The following PBOV1 variants were observed in gnomAD, a reference collection of about 807,000 sequenced individuals.
The protein encoded by PBOV1 is prostate and breast cancer overexpressed gene 1 protein.
For synonymous variants in PBOV1, 46 were observed against 55.9 expected, an observed-to-expected ratio of 0.82 and a Z score of 0.79; for missense variants, 147 against 151.4, an observed-to-expected ratio of 0.97 and a Z score of 0.15.
chr6:138,217,997 C>G lies in PBOV1; in HGVS notation c.399G>C (p.Gln133His), dbSNP rs776016138. The G allele has an allele frequency of 6.2e-7, 1 of 1,608,136 alleles. No individual in the cohort carries two copies. Among genetic ancestry groups the G allele is most frequent in the Non-Finnish European group, 8.5e-7 (1 of 1,176,108 alleles). Reference sequence around the variant, plus strand: ...CAGCAGGGCTGAGAGTTTATATGATCTGTGGATGTATAGTTTTGGATAAGT... The same window carrying G: ...CAGCAGGGCTGAGAGTTTATATGATGTGTGGATGTATAGTTTTGGATAAGT... Reference protein sequence around the residue: ...LLYLSKTIHPQII With the variant: ...LLYLSKTIHPHII The change falls in exon 1 of 1, where the codon CAG (glutamine) becomes CAC (histidine). Residue 133 changes from glutamine (Q) to histidine (H), a missense_variant. Transcript: ENST00000527246.
rs989899107 is a variant in PBOV1 at position 138,217,841 on chromosome 6, C to T, written c.*147G>A. ...GGTTTGTATTTTAGAATTGAAATAA[C>T]CTCCTACATCATCAAATTCTTTTCA... On this transcript the variant is annotated 3_prime_UTR_variant, in exon 1 of 1. Transcript: ENST00000527246. The T allele has an allele frequency of 8.7e-7, 1 of 1,151,144 alleles. No individual in the cohort carries two copies. Among genetic ancestry groups the T allele is most frequent in the African/African-American group, 1.6e-5 (1 of 64,200 alleles). The allele number at this position is 1,151,144 out of a possible 1,614,324, so 71.3% of individuals were successfully genotyped here. A position where few individuals can be genotyped will look rare whatever the true frequency, so the allele number is the denominator to read the frequency against.
chr6:138,218,225 T>G lies in PBOV1; in HGVS notation c.171A>C (p.Glu57Asp). Residue 57 changes from glutamate (E) to aspartate (D), a missense_variant, in exon 1 of 1, where the codon GAA becomes GAC. Coordinates refer to ENST00000527246, the MANE Select transcript of PBOV1 (RefSeq NM_021635.3). The part of the protein sequence containing the change: ...PFCYKVFRKK[E>D]KVKRSQKATE... ...TTGCCTTTTGACTTCTTTTTACTTT[T>G]TCTTTTTTTCGAAATACCTTGTAGC... is the stretch of plus-strand genomic sequence containing the variant. 6.2e-7 allele frequency: 1 copy of G among 1,613,896 alleles called. No homozygotes were observed. Among genetic ancestry groups the G allele is most frequent in the Non-Finnish European group, 8.5e-7 (1 of 1,179,832 alleles).
chr6:138,218,321 C>T lies in PBOV1; in HGVS notation c.75G>A (p.Leu25=), dbSNP rs938053981. 1.3e-6 allele frequency: 2 copies of T among 1,564,340 alleles called. No individual in the cohort carries two copies. Among genetic ancestry groups the T allele is most frequent in the African/African-American group, 1.4e-5 (1 of 73,690 alleles). Residue 25 remains leucine (L), a synonymous_variant, in exon 1 of 1, where the codon TTG becomes TTA. Coordinates refer to ENST00000527246, the MANE Select transcript of PBOV1 (RefSeq NM_021635.3). The part of the protein sequence containing the change: ...NIIHILQIRK[L]RHRLSNFPRL... ...TTGGGAAGTTACTTAATCTGTGCCT[C>T]AATTTTCTGATCTGTAAAATGTGAA...
chr6:138,218,201 T>C lies in PBOV1; in HGVS notation c.195A>G (p.Ala65=). ...KKEKVKRSQK[A]TEFIDYSIEQ... ...CTATGGAATAATCAATGAACTCTGTTGCCTTTTGACTTCTTTTTACTTTTT... is the reference window on the plus strand; with the variant it reads ...CTATGGAATAATCAATGAACTCTGTCGCCTTTTGACTTCTTTTTACTTTTT... The change falls in exon 1 of 1, where the codon GCA becomes GCG. Residue 65 remains alanine, a synonymous_variant. Coordinates refer to ENST00000527246, the MANE Select transcript of PBOV1 (RefSeq NM_021635.3). 1 of 1,613,942 alleles carries C rather than the reference T, an allele frequency of 6.2e-7. No individual in the cohort carries two copies. Among genetic ancestry groups the C allele is most frequent in the Non-Finnish European group, 8.5e-7 (1 of 1,179,850 alleles).
In PBOV1 at chr6:138,217,943, A is replaced by G; in HGVS notation, c.*45T>C. ...CATTGGTAGCAGAATTGCCTTTTCA[A>G]CCATTTTTATTTTTCTGGAAAGGCT... On this transcript the variant is annotated 3_prime_UTR_variant, in exon 1 of 1. Coordinates refer to ENST00000527246, the MANE Select transcript of PBOV1 (RefSeq NM_021635.3). The G allele has an allele frequency of 6.5e-7, 1 of 1,544,760 alleles. No individual in the cohort carries two copies. Among genetic ancestry groups the G allele is most frequent in the Non-Finnish European group, 8.7e-7 (1 of 1,146,528 alleles).
chr6:138,217,854 C>T lies in PBOV1; in HGVS notation c.*134G>A. 1 of 1,292,824 alleles carries T rather than the reference C, an allele frequency of 7.7e-7. No homozygotes were observed. Among genetic ancestry groups the T allele is most frequent in the African/African-American group, 1.5e-5 (1 of 67,270 alleles). The allele number at this position is 1,292,824 out of a possible 1,614,324, so 80.1% of individuals were successfully genotyped here. A position where few individuals can be genotyped will look rare whatever the true frequency, so the allele number is the denominator to read the frequency against. On this transcript the variant is annotated 3_prime_UTR_variant, in exon 1 of 1. Transcript: ENST00000527246. ...GAATTGAAATAACCTCCTACATCAT[C>T]AAATTCTTTTCATAAGTAAATTGAA...
At position 138,217,866 on chromosome 6, in the gene PBOV1, A is replaced by G. The variant is rs567313703; in HGVS notation, c.*122T>C. 224 of 1,337,916 alleles carry G rather than the reference A, an allele frequency of 1.7e-4. 1 individual carries two copies. The East Asian group carries it at 5.2e-3, about 31-fold the overall frequency. 82.9% of individuals were successfully genotyped at this position (1,337,916 alleles called of 1,614,324 possible). On this transcript the variant is annotated 3_prime_UTR_variant, in exon 1 of 1. Transcript: ENST00000527246. ...CCTCCTACATCATCAAATTCTTTTC[A>G]TAAGTAAATTGAAGTTGGAATGGTT...
chr6:138,218,453 T>A lies in PBOV1; in HGVS notation c.-58A>T, dbSNP rs1777917630. ...AGCATAGAAGAATAATTTTGTAAAT[T>A]ATTATACATCAATTAGCCACCTCGA... On this transcript the variant is annotated 5_prime_UTR_variant, in exon 1 of 1. Transcript: ENST00000527246. The A allele has an allele frequency of 2.0e-6, 3 of 1,468,708 alleles. No individual in the cohort carries two copies. The highest frequency in any genetic ancestry group is 5.5e-5 in the Admixed American group (2 of 36,278). The allele number at this position is 1,468,708 out of a possible 1,614,324, so 91.0% of individuals were successfully genotyped here.
In PBOV1 at chr6:138,218,457, A is replaced by G. The variant is rs752567742; in HGVS notation, c.-62T>C. The G allele has an allele frequency of 2.7e-6, 4 of 1,466,044 alleles. No individual in the cohort carries two copies. The highest frequency in any genetic ancestry group is 1.4e-5 in the African/African-American group (1 of 69,942). 90.8% of individuals were successfully genotyped at this position (1,466,044 alleles called of 1,614,324 possible). A position where few individuals can be genotyped will look rare whatever the true frequency, so the allele number is the denominator to read the frequency against. On this transcript the variant is annotated 5_prime_UTR_variant, in exon 1 of 1. Coordinates refer to ENST00000527246, the MANE Select transcript of PBOV1 (RefSeq NM_021635.3). ...TAGAAGAATAATTTTGTAAATTATTATACATCAATTAGCCACCTCGATATA... is the reference window on the plus strand; with the variant it reads ...TAGAAGAATAATTTTGTAAATTATTGTACATCAATTAGCCACCTCGATATA...
In PBOV1 at chr6:138,217,832, T is replaced by C; in HGVS notation, c.*156A>G. ...ATCAACATGGGTTTGTATTTTAGAATTGAAATAACCTCCTACATCATCAAA... is the reference window on the plus strand; with the variant it reads ...ATCAACATGGGTTTGTATTTTAGAACTGAAATAACCTCCTACATCATCAAA... On this transcript the variant is annotated 3_prime_UTR_variant, in exon 1 of 1. Transcript: ENST00000527246. The C allele has an allele frequency of 4.6e-6, 5 of 1,077,494 alleles. No homozygotes were observed. The South Asian group carries it at 6.7e-5, about 15-fold the overall frequency. The allele number at this position is 1,077,494 out of a possible 1,614,324, so 66.7% of individuals were successfully genotyped here.
chr6:138,217,304 C>G lies in PBOV1; in HGVS notation c.*684G>C, dbSNP rs1035088802. 2 of 152,168 alleles carry G rather than the reference C, an allele frequency of 1.3e-5. No individual in the cohort carries two copies. Among genetic ancestry groups the G allele is most frequent in the Admixed American group, 6.5e-5 (1 of 15,274 alleles). The allele number at this position is 152,168 out of a possible 1,614,324, so 9.4% of individuals were successfully genotyped here. A position where few individuals can be genotyped will look rare whatever the true frequency, so the allele number is the denominator to read the frequency against. On this transcript the variant is annotated 3_prime_UTR_variant, in exon 1 of 1. Transcript: ENST00000527246. Reference sequence around the variant, plus strand: ...ACTCTGGATGTTCTATAGATCCAAACAGAATGGGAAAGTTCTCTGATTTTT... The same window carrying G: ...ACTCTGGATGTTCTATAGATCCAAAGAGAATGGGAAAGTTCTCTGATTTTT...
At position 138,218,378 on chromosome 6, in the gene PBOV1, C is replaced by G. The variant is rs1427810103; in HGVS notation, c.18G>C (p.Arg6Ser). The G allele has an allele frequency of 6.5e-7, 1 of 1,541,386 alleles. No individual in the cohort carries two copies. The highest frequency in any genetic ancestry group is 8.8e-7 in the Non-Finnish European group (1 of 1,141,942). Reference protein sequence around the residue: MRAFLRNQKYEDMHNI... With the variant: MRAFLSNQKYEDMHNI... ...TGTGCATATCCTCATATTTCTGGTT[C>G]CTTAAGAAGGCCCTCATATTTACTA... Residue 6 changes from arginine (R) to serine (S), a missense_variant, in exon 1 of 1, where the codon AGG (arginine) becomes AGC (serine). Arg to Ser is a moderately radical substitution (Grantham distance 110). Transcript: ENST00000527246.
rs761527000 is a variant in PBOV1 at position 138,218,186 on chromosome 6, A to C, written c.210T>G (p.Asp70Glu). 1 of 1,613,956 alleles carries C rather than the reference A, an allele frequency of 6.2e-7. No homozygotes were observed. Among genetic ancestry groups the C allele is most frequent in the Admixed American group, 1.7e-5 (1 of 60,032 alleles). ...KRSQKATEFI[D>E]YSIEQSHHAI... ...CATGGTGTGACTGTTCTATGGAATA[A>C]TCAATGAACTCTGTTGCCTTTTGAC... is the stretch of plus-strand genomic sequence containing the variant. Residue 70 changes from aspartate (D) to glutamate (E), a missense_variant, in exon 1 of 1, where the codon GAT (aspartate) becomes GAG (glutamate). Physicochemically the swap from Asp to Glu is conservative, Grantham distance 45 (BLOSUM62 2). Coordinates refer to ENST00000527246, the MANE Select transcript of PBOV1 (RefSeq NM_021635.3).
At position 138,216,464 on chromosome 6, in the gene PBOV1, T is replaced by C. The variant is rs1777861585; in HGVS notation, c.*1524A>G. ...TGTATCAGTACTGTCGTCAGTGCCT[T>C]GGTCTGGGAGCAAGAAACACGACAA... On this transcript the variant is annotated 3_prime_UTR_variant, in exon 1 of 1. Transcript: ENST00000527246. 1 of 152,136 alleles carries C rather than the reference T, an allele frequency of 6.6e-6. No homozygotes were observed. The highest frequency in any genetic ancestry group is 1.5e-5 in the Non-Finnish European group (1 of 68,028). The allele number at this position is 152,136 out of a possible 1,614,324, so 9.4% of individuals were successfully genotyped here.
chr6:138,216,415 G>A lies in PBOV1; in HGVS notation c.*1573C>T, dbSNP rs1777859962. ...AATTAGAGTTCTGGTATTACAAAGT[G>A]GAAGGGAGTGTGCTTTTAAATTATG... On this transcript the variant is annotated 3_prime_UTR_variant, in exon 1 of 1. Coordinates refer to ENST00000527246, the MANE Select transcript of PBOV1 (RefSeq NM_021635.3). The A allele has an allele frequency of 6.6e-6, 1 of 152,220 alleles. No individual in the cohort carries two copies. Among genetic ancestry groups the A allele is most frequent in the South Asian group, 2.1e-4 (1 of 4,820 alleles). The allele number at this position is 152,220 out of a possible 1,614,324, so 9.4% of individuals were successfully genotyped here.
rs1777902670 is a variant in PBOV1 at position 138,217,935 on chromosome 6, C to T, written c.*53G>A. ...TAAACAGTCATTGGTAGCAGAATTGCCTTTTCAACCATTTTTATTTTTCTG... is the reference window on the plus strand; with the variant it reads ...TAAACAGTCATTGGTAGCAGAATTGTCTTTTCAACCATTTTTATTTTTCTG... On this transcript the variant is annotated 3_prime_UTR_variant, in exon 1 of 1. Coordinates refer to ENST00000527246, the MANE Select transcript of PBOV1 (RefSeq NM_021635.3). The T allele has an allele frequency of 6.5e-7, 1 of 1,537,338 alleles. No individual in the cohort carries two copies. Among genetic ancestry groups the T allele is most frequent in the Non-Finnish European group, 8.7e-7 (1 of 1,142,880 alleles).
Position 138,217,151 on chromosome 6 carries a change from A to AGG in PBOV1, c.*836_*837insCC, listed in dbSNP as rs1273369817. 1 of 152,228 alleles carries AGG rather than the reference A, an allele frequency of 6.6e-6. No homozygotes were observed. Among genetic ancestry groups the AGG allele is most frequent in the Non-Finnish European group, 1.5e-5 (1 of 68,042 alleles). The allele number at this position is 152,228 out of a possible 1,614,324, so 9.4% of individuals were successfully genotyped here. A position where few individuals can be genotyped will look rare whatever the true frequency, so the allele number is the denominator to read the frequency against. On this transcript the variant is annotated 3_prime_UTR_variant, in exon 1 of 1. Coordinates refer to ENST00000527246, the MANE Select transcript of PBOV1 (RefSeq NM_021635.3). ...ATGGAGATTTTCATATTATCTATTA[A>AGG]TATCTTTTTAAAGCACCACCATTTC...
At position 138,218,176 on chromosome 6, in the gene PBOV1, C is replaced by T. The variant is rs1583017561; in HGVS notation, c.220G>A (p.Glu74Lys). 1.2e-6 allele frequency: 2 copies of T among 1,613,906 alleles called. No individual in the cohort carries two copies. Among genetic ancestry groups the T allele is most frequent in the Non-Finnish European group, 1.7e-6 (2 of 1,179,852 alleles). ...KATEFIDYSI[E>K]QSHHAILTPL... ...GTGAGAATTGCATGGTGTGACTGTT[C>T]TATGGAATAATCAATGAACTCTGTT... Residue 74 changes from glutamate to lysine, a missense_variant, in exon 1 of 1, where the codon GAA becomes AAA. Glu to Lys is a moderately conservative substitution (Grantham distance 56). Coordinates refer to ENST00000527246, the MANE Select transcript of PBOV1 (RefSeq NM_021635.3).
chr6:138,218,388 G>A lies in PBOV1; in HGVS notation c.8C>T (p.Ala3Val), dbSNP rs754390771. 1 of 1,536,644 alleles carries A rather than the reference G, an allele frequency of 6.5e-7. No individual in the cohort carries two copies. MR[A>V]FLRNQKYEDM... ...CTCATATTTCTGGTTCCTTAAGAAG[G>A]CCCTCATATTTACTACTGTAAATTG... The change falls in exon 1 of 1, where the codon GCC (alanine) becomes GTC (valine). Residue 3 changes from alanine to valine, a missense_variant. Physicochemically the swap from Ala to Val is moderately conservative, Grantham distance 64. Transcript: ENST00000527246.
Sources: allele counts gnomAD v4.1 joint callset, GRCh38; gene constraint gnomAD v4.1.1; transcripts MANE v1.5; gene names NCBI Gene and HGNC (gene_info 2026-07-23, HGNC 2026-07-21).